The following SPAG16 variants were observed in gnomAD, a reference collection of about 807,000 sequenced individuals.
SPAG16 encodes the protein sperm-associated antigen 16 protein.
In SPAG16, 86 loss-of-function variants were observed where a neutral mutation model predicts 80.4. That is an observed-to-expected ratio of 1.07 (90% confidence interval 0.90 to 1.28). SPAG16 has a LOEUF of 1.28. SPAG16 is among the 50% of genes most tolerant of loss of function. The pLI is 0.00. For synonymous variants in SPAG16, 294 were observed against 265.9 expected, an observed-to-expected ratio of 1.11 and a Z score of -1.03; for missense variants, 870 against 765.3, an observed-to-expected ratio of 1.14 and a Z score of -1.61.
At chr2:213,807,310 C>G (rs1197187917) in intron 10 of SPAG16, among the ~76,000 whole-genome samples, 3 of 152,024 alleles carry the variant, frequency 2.0e-5, no homozygotes, top group Non-Finnish European at 4.4e-5. Context: ...CTGCAGATGT[C>G]AGAAATCATA....
chr2:214,061,841 C>A (rs531725007), intron 13 of SPAG16, among the ~76,000 whole-genome samples: 15 of 152,126 alleles, frequency 9.9e-5, no homozygotes, highest in African/African-American at 2.7e-4. Flanking sequence ...ACCCATTTAA[C>A]AAGTTAGAAG....
intron 15 of SPAG16, among the ~76,000 whole-genome samples, chr2:214,225,903 TCATTACTTA>T (rs2058687692): frequency 1.3e-5 from 2 of 152,272 alleles, no homozygotes; most frequent in South Asian, 4.1e-4. Flanking sequence ...ATTGAAAACA[TCATTACTTA>T]CATTCTGGCC....
At chr2:213,646,485 T>G (rs895450218) in intron 10 of SPAG16, among the ~76,000 whole-genome samples, 3 of 152,240 alleles carry the variant, frequency 2.0e-5, no homozygotes, top group Admixed American at 6.5e-5. Flanking sequence ...GAACAGGAAT[T>G]ATATATTGCT....
intron 15 of SPAG16, among the ~76,000 whole-genome samples, chr2:214,253,866 A>T (rs1576604580): frequency 6.6e-6 from 1 of 152,060 alleles, no homozygotes; most frequent in African/African-American, 2.4e-5. Flanking sequence ...TGATGGGGAT[A>T]GCATTGAATC....
chr2:213,835,593 G>A (rs1263741605), intron 10 of SPAG16, among the ~76,000 whole-genome samples: 1 of 152,030 alleles, frequency 6.6e-6, no homozygotes, highest in Non-Finnish European at 1.5e-5. Flanking sequence ...GTTTCATTGT[G>A]TACTATAATC....
At chr2:214,353,853 C>G (rs1698584547) in intron 15 of SPAG16, among the ~76,000 whole-genome samples, 1 of 152,034 alleles carries the variant, frequency 6.6e-6, no homozygotes, top group South Asian at 2.1e-4. Context: ...ACTTGTGGTT[C>G]AAGTATGGTA....
intron 10 of SPAG16, among the ~76,000 whole-genome samples, chr2:213,827,985 G>A (rs1006146921): frequency 1.3e-5 from 2 of 152,004 alleles, no homozygotes; most frequent in Non-Finnish European, 2.9e-5. Flanking sequence ...ATGCACTGAG[G>A]TAGTCTTCTT....
chr2:213,960,613 C>T (rs1347420679), intron 12 of SPAG16, among the ~76,000 whole-genome samples: 1 of 152,060 alleles, frequency 6.6e-6, no homozygotes, highest in Non-Finnish European at 1.5e-5. Context: ...AGGAGTTAGC[C>T]TGAGGTGTAA....
At chr2:213,702,259 T>A (rs926625173) in intron 10 of SPAG16, among the ~76,000 whole-genome samples, 2 of 152,194 alleles carry the variant, frequency 1.3e-5, no homozygotes, top group African/African-American at 4.8e-5. Context: ...CAGCAGGATG[T>A]GGGTGGGGCC....
intron 13 of SPAG16, among the ~76,000 whole-genome samples, chr2:214,027,545 TA>T (rs971876872): frequency 4.0e-5 from 6 of 151,806 alleles, no homozygotes; most frequent in Non-Finnish European, 7.4e-5. Context: ...AAAAAGCATT[TA>T]AATCATATTG....
chr2:213,597,211 C>T (rs561529930), intron 10 of SPAG16, among the ~76,000 whole-genome samples: 5 of 152,238 alleles, frequency 3.3e-5, no homozygotes, highest in Admixed American at 1.3e-4. Flanking sequence ...CATTCATTCA[C>T]ATGTTGATTG....
chr2:214,190,125 T>C (rs2125694119), intron 15 of SPAG16, among the ~76,000 whole-genome samples: 1 of 152,160 alleles, frequency 6.6e-6, no homozygotes, highest in Admixed American at 6.6e-5. Flanking sequence ...CACCTGTCAC[T>C]CTCTACACAG....
At chr2:214,311,534 G>A (rs986756307) in intron 15 of SPAG16, 3 of 152,170 alleles carry the variant, frequency 2.0e-5, no homozygotes, top group Non-Finnish European at 2.9e-5. Flanking sequence ...ACACAGGTGA[G>A]AGGAGCAAGA....
chr2:213,816,043 T>C (rs996624753), intron 10 of SPAG16, among the ~76,000 whole-genome samples: 10 of 152,294 alleles, frequency 6.6e-5, no homozygotes, highest in African/African-American at 2.2e-4. Context: ...TTTCATGAAG[T>C]AAACCTAGAT....
intron 6 of SPAG16, among the ~76,000 whole-genome samples, chr2:213,346,009 A>G (rs1382701021): frequency 6.6e-6 from 1 of 152,182 alleles, no homozygotes; most frequent in African/African-American, 2.4e-5. Flanking sequence ...CTTCCTACCC[A>G]TGAGCATGGA....
intron 12 of SPAG16, among the ~76,000 whole-genome samples, chr2:213,941,165 T>G (rs576529227): frequency 6.6e-6 from 1 of 152,304 alleles, no homozygotes; most frequent in East Asian, 1.9e-4. Context: ...ACCTCTGATG[T>G]CCTTCCACTG....
chr2:214,011,789 G>A (rs1298070820), intron 12 of SPAG16, among the ~76,000 whole-genome samples: 2 of 152,086 alleles, frequency 1.3e-5, no homozygotes, highest in African/African-American at 2.4e-5. Context: ...TAGCTTTGAT[G>A]AGAAAGGGAA....
intron 13 of SPAG16, among the ~76,000 whole-genome samples, chr2:214,079,185 A>G (rs2051237635): frequency 6.6e-6 from 1 of 152,212 alleles, no homozygotes; most frequent in South Asian, 2.1e-4. Context: ...CACTGAGAAA[A>G]AAAGAAAAAT....
intron 15 of SPAG16, among the ~76,000 whole-genome samples, chr2:214,358,052 A>G (rs537355756): frequency 6.6e-6 from 1 of 152,114 alleles, no homozygotes; most frequent in South Asian, 2.1e-4. Flanking sequence ...TTCTTGATGT[A>G]TCTTTCTGAA....
Sources: allele counts gnomAD v4.1 joint callset (sites outside exome capture counted in the v4.1 genomes callset), GRCh38; gene constraint gnomAD v4.1.1; transcripts MANE v1.5; gene names NCBI Gene and HGNC (gene_info 2026-07-23, HGNC 2026-07-21).